Variants in DLG2 observed in about 807,000 individuals in gnomAD.
DLG2 encodes disks large homolog 2.
Under a neutral mutation model 132.5 loss-of-function variants are expected in DLG2, and 45 were observed. That is an observed-to-expected ratio of 0.34 (90% CI 0.27 to 0.44). The LOEUF (loss-of-function observed/expected upper bound fraction) is 0.44, where lower values mean the gene tolerates loss of function less well. DLG2 is among the 20% of genes least tolerant of loss of function. DLG2 has a pLI of 1.00. For synonymous variants in DLG2, 424 were observed against 419.6 expected (o/e 1.01, Z -0.13); for missense variants, 1,045 against 1,196.9 (o/e 0.87, Z 1.87).
At chr11:83,942,909 G>A (rs2082987127) in intron 14 of DLG2, among the ~76,000 whole-genome samples, 1 of 152,134 alleles carries the variant, frequency 6.6e-6, no homozygotes, top group African/African-American at 2.4e-5. Context: ...ATCTCATCTT[G>A]AATTCCCATG....
chr11:83,995,014 T>G (rs2093950701), intron 11 of DLG2, among the ~76,000 whole-genome samples: 1 of 150,996 alleles, frequency 6.6e-6, no homozygotes, highest in Non-Finnish European at 1.5e-5. Context: ...ACTTGCCATA[T>G]TGGAATAGAG....
At chr11:84,827,394 G>A (rs1236581536) in intron 6 of DLG2, among the ~76,000 whole-genome samples, 5 of 151,674 alleles carry the variant, frequency 3.3e-5, no homozygotes, top group African/African-American at 1.2e-4. Flanking sequence ...ATGCAATTCT[G>A]ATGTGATTTC....
chr11:85,323,847 G>T (rs577894848), intron 3 of DLG2, among the ~76,000 whole-genome samples: 1 of 152,102 alleles, frequency 6.6e-6, no homozygotes, highest in African/African-American at 2.4e-5. Context: ...TCTTTTTATC[G>T]CTGAATAATA....
Position 83,472,821 on chromosome 11 carries a change from A to G in DLG2, c.2294-44T>C, listed in dbSNP as rs538265003. ...AAAACCACAGTGAACTAACAGTCAT[A>G]TATTACAGAGACAAGCCCTGCTCTG... On this transcript the variant is annotated intron_variant, in intron 22 of 27. Transcript: ENST00000376104. 8 of 1,533,616 alleles carry G rather than the reference A, an allele frequency of 5.2e-6. No homozygotes were observed. The South Asian group carries it at 7.9e-5, about 15-fold the overall frequency.
chr11:84,706,655 G>T (rs149930538), intron 6 of DLG2, among the ~76,000 whole-genome samples: 5 of 143,798 alleles, frequency 3.5e-5, no homozygotes, highest in Admixed American at 1.4e-4. Flanking sequence ...ATCTTGACTT[G>T]TAACTAGTAA....
At chr11:83,509,057 A>G (rs972738626) in intron 21 of DLG2, among the ~76,000 whole-genome samples, 1 of 152,180 alleles carries the variant, frequency 6.6e-6, no homozygotes, top group African/African-American at 2.4e-5. Context: ...TAGTCACGTG[A>G]TGTTACGGGG....
intron 6 of DLG2, among the ~76,000 whole-genome samples, chr11:84,934,962 G>A (rs545396581): frequency 6.6e-5 from 10 of 152,120 alleles, no homozygotes; most frequent in African/African-American, 1.4e-4. Flanking sequence ...CTGGAACTTC[G>A]AATTCATTAT....
chr11:83,976,189 G>T (rs1026486997), intron 12 of DLG2, among the ~76,000 whole-genome samples: 5 of 151,902 alleles, frequency 3.3e-5, no homozygotes, highest in African/African-American at 7.2e-5. Flanking sequence ...TGTGCTCTCA[G>T]TAGAGGGCAG....
chr11:84,828,605 T>C (rs906441324), intron 6 of DLG2, among the ~76,000 whole-genome samples: 1 of 151,822 alleles, frequency 6.6e-6, no homozygotes, highest in Non-Finnish European at 1.5e-5. Flanking sequence ...TCTTCTCATA[T>C]TTAATCTGCC....
chr11:83,686,600 T>C (rs1309371839), intron 18 of DLG2, among the ~76,000 whole-genome samples: 1 of 152,204 alleles, frequency 6.6e-6, no homozygotes, highest in Non-Finnish European at 1.5e-5. Flanking sequence ...ATGTATTTAT[T>C]AAATGAATGT....
intron 6 of DLG2, among the ~76,000 whole-genome samples, chr11:84,787,208 T>C (rs1186425025): frequency 6.6e-6 from 1 of 152,142 alleles, no homozygotes; most frequent in East Asian, 1.9e-4. Context: ...TCTGGTAAGT[T>C]TTCCATTAGG....
intron 3 of DLG2, among the ~76,000 whole-genome samples, chr11:85,548,626 T>G (rs1478281876): frequency 1.3e-5 from 2 of 151,674 alleles, no homozygotes; most frequent in African/African-American, 4.8e-5. Flanking sequence ...CCCAGGGAGG[T>G]GGGGGTTTTA....
intron 18 of DLG2, among the ~76,000 whole-genome samples, chr11:83,702,473 T>C (rs1370039991): frequency 6.6e-6 from 1 of 152,192 alleles, no homozygotes; most frequent in African/African-American, 2.4e-5. Context: ...GTTCTACAAA[T>C]GGTAGCTGTC....
At position 83,994,298 on chromosome 11, in the gene DLG2, C is replaced by T. The variant is rs555564160; in HGVS notation, c.920-13656G>A. ...ATGTTGTAGGAATATCTCATTCCCCCACGTTGGATAGTTACCACTTTGAAG... is the reference window on the plus strand; with the variant it reads ...ATGTTGTAGGAATATCTCATTCCCCTACGTTGGATAGTTACCACTTTGAAG... On this transcript the variant is annotated intron_variant, in intron 11 of 27. Transcript: ENST00000376104. Among the ~76,000 whole-genome samples the T allele has an allele frequency of 7.9e-5, 12 of 152,302 alleles. No homozygotes were observed. In the East Asian group the frequency reaches 2.3e-3, roughly 29 times the overall value.
At chr11:83,961,011 G>T (rs766875096) in intron 14 of DLG2, among the ~76,000 whole-genome samples, 12 of 151,994 alleles carry the variant, frequency 7.9e-5, no homozygotes, top group Non-Finnish European at 1.5e-4. Context: ...AGATATTGAG[G>T]CATATCTCAC....
At position 83,459,746 on chromosome 11, in the gene DLG2, C is replaced by T. The variant is rs2089523637; in HGVS notation, c.*72G>A. On this transcript the variant is annotated 3_prime_UTR_variant, in exon 28 of 28. Transcript: ENST00000376104. ...AAATGCAACAAAAACATAAAAGCCT[C>T]CAAGTAGTATGTTATATATATTTTG... is the stretch of plus-strand genomic sequence containing the variant. 1 of 806,084 alleles carries T rather than the reference C, an allele frequency of 1.2e-6. No homozygotes were observed. The highest frequency in any genetic ancestry group is 2.1e-5 in the Admixed American group (1 of 47,824). 49.9% of individuals were successfully genotyped at this position (806,084 alleles called of 1,614,324 possible).
chr11:85,303,603 T>C (rs2079746816), intron 3 of DLG2, among the ~76,000 whole-genome samples: 1 of 152,210 alleles, frequency 6.6e-6, no homozygotes, highest in African/African-American at 2.4e-5. Context: ...ATAATTTCTG[T>C]TACCATACTA....
intron 3 of DLG2, among the ~76,000 whole-genome samples, chr11:85,353,962 A>G (rs906027453): frequency 2.6e-5 from 4 of 151,916 alleles, no homozygotes; most frequent in East Asian, 1.9e-4. Context: ...CGTCGTGCAC[A>G]TGTACCCTAG....
intron 3 of DLG2, among the ~76,000 whole-genome samples, chr11:85,478,526 T>C (rs2093207174): frequency 6.6e-6 from 1 of 152,236 alleles, no homozygotes; most frequent in African/African-American, 2.4e-5. Flanking sequence ...TTATCTACAA[T>C]GTGAAATTTG....
Sources: allele counts gnomAD v4.1 joint callset (sites outside exome capture counted in the v4.1 genomes callset), GRCh38; gene constraint gnomAD v4.1.1; transcripts MANE v1.5; gene names NCBI Gene and HGNC (gene_info 2026-07-23, HGNC 2026-07-21).